NTRK3: variants seen among roughly 807,000 people sequenced by gnomAD.
NTRK3 encodes the protein NT-3 growth factor receptor.
In NTRK3, 24 loss-of-function variants were observed where a neutral mutation model predicts 91.7. That is an observed-to-expected ratio of 0.26 (90% CI 0.19 to 0.37). NTRK3 has a LOEUF of 0.37. NTRK3 is among the 10% of genes least tolerant of loss of function. The pLI, the probability that NTRK3 is intolerant of heterozygous loss-of-function variation, is 1.00. For missense variants in NTRK3, 880 were observed against 1,068.9 expected, an observed-to-expected ratio of 0.82 and a Z score of 2.46; for synonymous variants, 483 against 404.0, an observed-to-expected ratio of 1.20 and a Z score of -2.34.
In NTRK3 at chr15:87,919,909, T is replaced by C. The variant is rs147631766; in HGVS notation, c.2133+9282A>G. Among the ~76,000 whole-genome samples the C allele has an allele frequency of 8.1e-3, 1,235 of 152,324 alleles. 23 individuals carry two copies. Among genetic ancestry groups the C allele is most frequent in the African/African-American group, 0.029 (1,197 of 41,572 alleles). ...CAGTACAGACTGGTTAAGACAACTT[T>C]GACGTTATTATTCTACCTTTGGCCA... On this transcript the variant is annotated intron_variant, in intron 17 of 18. Transcript: ENST00000394480.
intron 10 of NTRK3, among the ~76,000 whole-genome samples, chr15:88,131,073 C>G (rs977260911): frequency 6.6e-6 from 1 of 152,190 alleles, no homozygotes; most frequent in African/African-American, 2.4e-5. Flanking sequence ...AAAAGAAACA[C>G]AGATTACTAG....
exon 19 of NTRK3, chr15:87,872,648 A>G (rs767063893): frequency 8.6e-6 from 2 of 232,314 alleles, no homozygotes; most frequent in Non-Finnish European, 1.7e-5. Context: ...TGAAGAGCAT[A>G]AAAATGAAGT....
chr15:87,900,690 GGTGTGTGTGTGTGTGTGTGT>G (rs61498493), intron 17 of NTRK3, among the ~76,000 whole-genome samples: 1 of 138,240 alleles, frequency 7.2e-6, no homozygotes, highest in Non-Finnish European at 1.6e-5. Flanking sequence ...CTTTACAGAG[GGTGTGTGTGTGTGTGTGTGT>G]GTGTGTGTGT....
At chr15:88,143,357 G>C (rs2042573180) in intron 6 of NTRK3, among the ~76,000 whole-genome samples, 2 of 152,372 alleles carry the variant, frequency 1.3e-5, no homozygotes, top group South Asian at 4.1e-4. Flanking sequence ...GCCACCAGAA[G>C]CTGGAGGAGG....
intron 17 of NTRK3, among the ~76,000 whole-genome samples, chr15:87,894,291 A>G (rs1426111186): frequency 1.3e-5 from 2 of 152,206 alleles, no homozygotes; most frequent in Non-Finnish European, 2.9e-5. Context: ...AGCCACCATA[A>G]CAGTCTTTAA....
intron 13 of NTRK3, among the ~76,000 whole-genome samples, chr15:88,059,066 A>G (rs1304796538): frequency 1.3e-5 from 2 of 151,948 alleles, no homozygotes; most frequent in African/African-American, 2.4e-5. Context: ...ACACACACAC[A>G]CACACACACA....
chr15:88,127,125 C>T (rs1183312638), intron 12 of NTRK3, 37 bp downstream of exon 12: 1 of 1,541,664 alleles, frequency 6.5e-7, no homozygotes, highest in East Asian at 2.2e-5. Flanking sequence ...ATGACTATGC[C>T]AGTCAACACA....
intron 13 of NTRK3, chr15:88,099,090 T>C (rs2049920039): frequency 4.3e-6 from 1 of 230,400 alleles, no homozygotes; most frequent in East Asian, 6.1e-5. Context: ...AAGAGCATTG[T>C]AGTGGGTGGT....
chr15:87,890,987 T>A (rs932153280), intron 17 of NTRK3, among the ~76,000 whole-genome samples: 3 of 152,242 alleles, frequency 2.0e-5, no homozygotes, highest in African/African-American at 7.2e-5. Flanking sequence ...ATTTTTCTCA[T>A]ATCAAATTTA....
intron 17 of NTRK3, among the ~76,000 whole-genome samples, chr15:87,891,273 G>A (rs1048948962): frequency 4.6e-5 from 7 of 152,174 alleles, no homozygotes; most frequent in Non-Finnish European, 8.8e-5. Flanking sequence ...AAAGTCATTT[G>A]TAGTAGCTCC....
chr15:87,906,096 C>G (rs994081203), intron 17 of NTRK3, among the ~76,000 whole-genome samples: 1 of 152,206 alleles, frequency 6.6e-6, no homozygotes, highest in African/African-American at 2.4e-5. Flanking sequence ...TGGAAAGATG[C>G]TGAGGCTAAC....
At chr15:88,008,627 T>G (rs1261809609) in intron 14 of NTRK3, among the ~76,000 whole-genome samples, 1 of 152,018 alleles carries the variant, frequency 6.6e-6, no homozygotes, top group East Asian at 1.9e-4. Flanking sequence ...TCTACTAAGT[T>G]CCCAGTTCTG....
chr15:88,228,164 C>G (rs79468868), intron 3 of NTRK3, among the ~76,000 whole-genome samples: 2 of 152,088 alleles, frequency 1.3e-5, no homozygotes, highest in Non-Finnish European at 2.9e-5. Flanking sequence ...TCTCTGGGCA[C>G]GTCACTCCCC....
rs142204068 is a variant in NTRK3, at chr15:88,058,826, T to G, written c.1397-25781A>C. On this transcript the variant is annotated intron_variant, in intron 13 of 18. Coordinates refer to ENST00000394480, the Ensembl canonical transcript of NTRK3. Reference sequence around the variant, plus strand: ...CTCAATGTCATTGCACATGGGATGATGATGATGATAATTATCATGATGATG... The same window carrying G: ...CTCAATGTCATTGCACATGGGATGAGGATGATGATAATTATCATGATGATG... 6.8e-4 allele frequency among the ~76,000 whole-genome samples: 104 copies of G among 152,238 alleles called. 1 individual carries two copies. The East Asian group carries it at 0.019, about 28-fold the overall frequency.
chr15:87,909,276 G>A (rs979922797), intron 17 of NTRK3, among the ~76,000 whole-genome samples: 1 of 152,116 alleles, frequency 6.6e-6, no homozygotes, highest in African/African-American at 2.4e-5. Flanking sequence ...CCTGAGAAGT[G>A]AGAGGAGGGG....
chr15:88,180,669 C>T (rs1341098023), intron 5 of NTRK3, among the ~76,000 whole-genome samples: 3 of 139,058 alleles, frequency 2.2e-5, no homozygotes, highest in African/African-American at 5.5e-5. Context: ...AAAGACTTCT[C>T]AGCCATTACC....
chr15:87,880,140 A>T, intron 18 of NTRK3, 130 bp downstream of exon 19: 1 of 1,159,202 alleles, frequency 8.6e-7, no homozygotes. Context: ...CTCTGCTCCC[A>T]CTAATGCCTG....
intron 13 of NTRK3, among the ~76,000 whole-genome samples, chr15:88,056,775 G>A (rs567548933): frequency 6.4e-4 from 98 of 152,240 alleles, no homozygotes; most frequent in African/African-American, 2.1e-3. Context: ...ACAGAGAGTC[G>A]ACAACATGTT....
At chr15:87,987,302 A>G (rs2141441730) in intron 14 of NTRK3, among the ~76,000 whole-genome samples, 1 of 152,316 alleles carries the variant, frequency 6.6e-6, no homozygotes, top group Non-Finnish European at 1.5e-5. Context: ...CCATCTTCCC[A>G]TATCAGATAT....
Sources: gnomAD v4.1 joint callset for allele counts (sites outside exome capture counted in the v4.1 genomes callset) on GRCh38, gnomAD v4.1.1 for gene constraint, MANE v1.5 for transcripts, NCBI Gene and HGNC (gene_info 2026-07-23, HGNC 2026-07-21) for gene names.